The following ADAM19 variants were observed in gnomAD, a reference collection of about 807,000 sequenced individuals.
ADAM19 encodes ADAM metallopeptidase domain 19, also known as disintegrin and metalloproteinase domain-containing protein 19.
A neutral mutation model predicts 114.7 loss-of-function variants in ADAM19; 65 were observed. The observed-to-expected ratio is 0.57, with a 90% CI of 0.46 to 0.70. The LOEUF (loss-of-function observed/expected upper bound fraction) is 0.70. Among genes scored for constraint, ADAM19 ranks in the 30% least tolerant of loss-of-function variants. ADAM19 has a pLI of 0.00. For missense variants in ADAM19, 1,063 were observed against 1,204.7 expected, an observed-to-expected ratio of 0.88 and a Z score of 1.74; for synonymous variants, 466 against 460.5, an observed-to-expected ratio of 1.01 and a Z score of -0.15.
intron 19 of ADAM19, among the ~76,000 whole-genome samples, chr5:157,489,902 G>A (rs748694116): frequency 3.3e-5 from 5 of 152,204 alleles, no homozygotes; most frequent in Admixed American, 1.3e-4. Flanking sequence ...CAGGAGAATC[G>A]CTTGAACTCA....
intron 21 of ADAM19, among the ~76,000 whole-genome samples, chr5:157,485,185 C>T (rs563342260): frequency 6.6e-6 from 1 of 152,346 alleles, no homozygotes; most frequent in East Asian, 1.9e-4. Flanking sequence ...CTTCATCAGC[C>T]CTGCCTACTC....
chr5:157,505,858 C>G, intron 10 of ADAM19, 50 bp from the exon 11 acceptor site: 1 of 1,586,928 alleles, frequency 6.3e-7, no homozygotes, highest in South Asian at 1.1e-5. Flanking sequence ...AGATCTGCCT[C>G]TGCCCCCCAT....
At chr5:157,512,596 A>G (rs186702148) in intron 8 of ADAM19, among the ~76,000 whole-genome samples, 1 of 152,356 alleles carries the variant, frequency 6.6e-6, no homozygotes, top group East Asian at 1.9e-4. Flanking sequence ...TACTATAACA[A>G]ATATCTTCTT....
At position 157,493,090 on chromosome 5, in the gene ADAM19, G is replaced by A. The variant is rs1755229655; in HGVS notation, c.1791C>T (p.Ile597=). The change falls in exon 16 of 23, where the codon ATC becomes ATT. Residue 597 remains isoleucine, a synonymous_variant. Transcript: ENST00000257527. ...SNAVPIDTTI[I]MNGRQIQCRG... ...GGCACTGGATCTGCCTCCCATTCAT[G>A]ATGATAGTGGTGTCAATGGGCACCG... 1.2e-6 allele frequency: 2 copies of A among 1,614,216 alleles called. No individual in the cohort carries two copies. Among genetic ancestry groups the A allele is most frequent in the Non-Finnish European group, 1.7e-6 (2 of 1,180,042 alleles).
rs1019460477 is a variant in ADAM19, at chr5:157,541,505, A to G, written c.252-3514T>C. Among the ~76,000 whole-genome samples, 24 of 152,180 alleles carry G rather than the reference A, an allele frequency of 1.6e-4. 1 individual carries two copies. The highest frequency in any genetic ancestry group is 1.0e-4 in the Non-Finnish European group (7 of 68,030). ...ATAATAATAGCCAGCACTAGAGTTG[A>G]GCAAAATCTGGGTCATTTAGATTCC... On this transcript the variant is annotated intron_variant, in intron 3 of 22. Transcript: ENST00000257527.
chr5:157,496,070 G>C (rs1289488867), intron 14 of ADAM19, among the ~76,000 whole-genome samples: 2 of 150,650 alleles, frequency 1.3e-5, no homozygotes, highest in Non-Finnish European at 2.9e-5. Context: ...CTCCTGAGTA[G>C]CTAGGATTAC....
intron 5 of ADAM19, among the ~76,000 whole-genome samples, chr5:157,523,639 G>A (rs1457346482): frequency 6.6e-6 from 1 of 152,182 alleles, no homozygotes; most frequent in African/African-American, 2.4e-5. Flanking sequence ...CTCACCAGAA[G>A]CAGATGCTGG....
At chr5:157,541,015 G>A (rs569148865) in intron 3 of ADAM19, among the ~76,000 whole-genome samples, 3 of 152,208 alleles carry the variant, frequency 2.0e-5, no homozygotes, top group African/African-American at 7.2e-5. Context: ...AAACTCTAGG[G>A]TTAGGGCCAG....
intron 5 of ADAM19, 106 bp from the exon 6 acceptor site, chr5:157,520,137 A>T: frequency 8.7e-7 from 1 of 1,147,290 alleles, no homozygotes; most frequent in Non-Finnish European, 1.2e-6. Flanking sequence ...GTGGGTTTTG[A>T]TCATTGGTTC....
At chr5:157,504,060 T>A (rs1454874393) in intron 11 of ADAM19, among the ~76,000 whole-genome samples, 1 of 152,232 alleles carries the variant, frequency 6.6e-6, no homozygotes, top group African/African-American at 2.4e-5. Flanking sequence ...AATTTGTTAC[T>A]AATAATTGTT....
intron 3 of ADAM19, among the ~76,000 whole-genome samples, chr5:157,549,746 C>A (rs1757138260): frequency 6.6e-6 from 1 of 152,190 alleles, no homozygotes; most frequent in Non-Finnish European, 1.5e-5. Context: ...TGTTTTCATG[C>A]CTAGTCTCTA....
chr5:157,485,457 C>T (rs1754902873), intron 21 of ADAM19, among the ~76,000 whole-genome samples: 1 of 152,226 alleles, frequency 6.6e-6, no homozygotes, highest in Non-Finnish European at 1.5e-5. Context: ...AGGAACTACA[C>T]CTCTCTCCTG....
intron 4 of ADAM19, among the ~76,000 whole-genome samples, chr5:157,535,529 C>T (rs900424282): frequency 3.3e-5 from 5 of 152,224 alleles, no homozygotes. Context: ...AGTCTAGTAG[C>T]AGGGGATGTA....
At chr5:157,519,222 G>C (rs927988486) in intron 6 of ADAM19, among the ~76,000 whole-genome samples, 4 of 152,194 alleles carry the variant, frequency 2.6e-5, no homozygotes, top group African/African-American at 9.7e-5. Context: ...TCGAAACCTC[G>C]AAACACCATG....
chr5:157,488,134 T>C, intron 21 of ADAM19, 131 bp downstream of exon 21: 2 of 891,556 alleles, frequency 2.2e-6, no homozygotes, highest in Non-Finnish European at 3.6e-6. Context: ...CGCCCCCGTA[T>C]TGACTGAATT....
At chr5:157,572,380 T>C (rs529701917) in intron 1 of ADAM19, 9 of 412,158 alleles carry the variant, frequency 2.2e-5, no homozygotes, top group African/African-American at 1.4e-4. Flanking sequence ...CTTAACAAAA[T>C]GGTAATTTCC....
In ADAM19 at chr5:157,513,426, G is replaced by C; in HGVS notation, c.738+8C>G. The C allele has an allele frequency of 6.2e-7, 1 of 1,613,352 alleles. No individual in the cohort carries two copies. The highest frequency in any genetic ancestry group is 8.5e-7 in the Non-Finnish European group (1 of 1,179,520). On this transcript the variant is annotated splice_region_variant and intron_variant, in intron 8 of 22. Coordinates refer to ENST00000257527, the MANE Select transcript of ADAM19 (RefSeq NM_033274.5). ...CACCTTTCCCACAAAGTACACACCT[G>C]GTCTCACCTTATCAACATAGTTGGC... is the stretch of plus-strand genomic sequence containing the variant.
At chr5:157,520,767 T>G (rs1756262387) in intron 5 of ADAM19, among the ~76,000 whole-genome samples, 1 of 152,212 alleles carries the variant, frequency 6.6e-6, no homozygotes, top group African/African-American at 2.4e-5. Context: ...CGGTAGTTAT[T>G]TGGTGAAGTG....
At chr5:157,539,435 G>A (rs1006719620) in intron 3 of ADAM19, among the ~76,000 whole-genome samples, 58 of 152,154 alleles carry the variant, frequency 3.8e-4, no homozygotes, top group African/African-American at 1.3e-3. Flanking sequence ...GAGGGTCATC[G>A]CAGAGGGTCT....
Sources: gnomAD v4.1 joint callset for allele counts (sites outside exome capture counted in the v4.1 genomes callset) on GRCh38, gnomAD v4.1.1 for gene constraint, MANE v1.5 for transcripts, NCBI Gene and HGNC (gene_info 2026-07-23, HGNC 2026-07-21) for gene names.